Variants in SGCZ observed in about 807,000 individuals in gnomAD.
SGCZ encodes the protein zeta-sarcoglycan.
SGCZ carries 40 observed loss-of-function variants against 41.3 expected under a neutral mutation model. The ratio of observed to expected loss-of-function variants is 0.97; its 90% confidence interval spans 0.75 to 1.26. The LOEUF (loss-of-function observed/expected upper bound fraction) is 1.26, where lower values mean the gene tolerates loss of function less well. SGCZ is among the 50% of genes most tolerant of loss of function. The pLI is 0.00. For synonymous variants in SGCZ, 206 were observed against 137.5 expected, an observed-to-expected ratio of 1.50 and a Z score of -3.49; for missense variants, 552 against 369.8, an observed-to-expected ratio of 1.49 and a Z score of -4.04.
chr8:15,109,388 A>G (rs1251334858), intron 1 of SGCZ, among the ~76,000 whole-genome samples: 2 of 152,164 alleles, frequency 1.3e-5, no homozygotes, highest in African/African-American at 4.8e-5. Flanking sequence ...ATGTTGGCCA[A>G]TTGAGTACTT....
intron 2 of SGCZ, among the ~76,000 whole-genome samples, chr8:14,450,229 T>C (rs1382813751): frequency 6.6e-6 from 1 of 152,190 alleles, no homozygotes; most frequent in Admixed American, 6.5e-5. Context: ...GACAACTTAA[T>C]TCTCTGTCAG....
chr8:15,209,931 T>G (rs1801186988), intron 1 of SGCZ, among the ~76,000 whole-genome samples: 1 of 152,146 alleles, frequency 6.6e-6, no homozygotes, highest in African/African-American at 2.4e-5. Flanking sequence ...TTTGACCAAT[T>G]ATATTTTAGG....
intron 4 of SGCZ, among the ~76,000 whole-genome samples, chr8:14,184,648 C>A (rs867443832): frequency 6.6e-6 from 1 of 152,062 alleles, no homozygotes; most frequent in Admixed American, 6.6e-5. Context: ...AGCTATGGGT[C>A]CTCAAAAGTA....
At chr8:14,537,219 C>G (rs1387697050) in intron 2 of SGCZ, among the ~76,000 whole-genome samples, 1 of 151,892 alleles carries the variant, frequency 6.6e-6, no homozygotes, top group Admixed American at 6.6e-5. Flanking sequence ...CTCATTATAA[C>G]TAATTTCTGT....
At chr8:14,267,640 C>T (rs1182091621) in intron 3 of SGCZ, among the ~76,000 whole-genome samples, 1 of 152,000 alleles carries the variant, frequency 6.6e-6, no homozygotes, top group Admixed American at 6.6e-5. Context: ...CCTGATGCTT[C>T]AGAGAGTTTT....
intron 1 of SGCZ, among the ~76,000 whole-genome samples, chr8:14,691,034 C>G (rs1343546656): frequency 6.6e-6 from 1 of 152,080 alleles, no homozygotes; most frequent in Non-Finnish European, 1.5e-5. Flanking sequence ...ATGAAGGAAT[C>G]AATAAGTTAA....
At chr8:14,104,521 C>A (rs535200149) in intron 6 of SGCZ, among the ~76,000 whole-genome samples, 5 of 151,662 alleles carry the variant, frequency 3.3e-5, no homozygotes, top group Admixed American at 6.6e-5. Flanking sequence ...TTGCAAGAGG[C>A]AATTATTAAA....
At chr8:15,033,997 A>G (rs1000686195) in intron 1 of SGCZ, among the ~76,000 whole-genome samples, 4 of 152,216 alleles carry the variant, frequency 2.6e-5, no homozygotes, top group South Asian at 2.1e-4. Context: ...AAAGACTAAA[A>G]TAATTTCCTG....
intron 2 of SGCZ, among the ~76,000 whole-genome samples, chr8:14,392,992 T>C (rs17119251): frequency 0.071 from 10,772 of 152,164 alleles, 653 homozygotes; most frequent in African/African-American, 0.16. Flanking sequence ...TTTCAGGAGA[T>C]AGAACTCAAA....
Position 15,167,300 on chromosome 8 carries a change from T to C in SGCZ, c.39+70285A>G, listed in dbSNP as rs187967364. On this transcript the variant is annotated intron_variant, in intron 1 of 7. Coordinates refer to ENST00000382080, the MANE Select transcript of SGCZ (RefSeq NM_139167.4). ...TATGCTTCCCTTTAAGGTGTCAATCTAGACTTGCAGAGCCGAGAAAAGCCT... is the reference window on the plus strand; with the variant it reads ...TATGCTTCCCTTTAAGGTGTCAATCCAGACTTGCAGAGCCGAGAAAAGCCT... Among the ~76,000 whole-genome samples the C allele has an allele frequency of 2.4e-4, 36 of 152,376 alleles. No individual in the cohort carries two copies. In the East Asian group the frequency reaches 3.7e-3, roughly 16 times the overall value.
At chr8:15,019,365 G>A (rs949273941) in intron 1 of SGCZ, among the ~76,000 whole-genome samples, 1 of 152,186 alleles carries the variant, frequency 6.6e-6, no homozygotes, top group African/African-American at 2.4e-5. Context: ...TGGATCTGTG[G>A]CGTATGCACC....
At chr8:14,790,113 A>G (rs2130465183) in intron 1 of SGCZ, among the ~76,000 whole-genome samples, 1 of 152,292 alleles carries the variant, frequency 6.6e-6, no homozygotes, top group East Asian at 1.9e-4. Flanking sequence ...CATTCTGCCC[A>G]TTGAATGCAT....
intron 1 of SGCZ, among the ~76,000 whole-genome samples, chr8:15,203,054 G>C (rs917500737): frequency 1.3e-5 from 2 of 151,944 alleles, no homozygotes; most frequent in African/African-American, 2.4e-5. Flanking sequence ...AAGTTGAAGT[G>C]AGTTGAGACC....
At chr8:14,186,735 T>C (rs1278229411) in intron 4 of SGCZ, among the ~76,000 whole-genome samples, 4 of 152,198 alleles carry the variant, frequency 2.6e-5, no homozygotes, top group African/African-American at 9.7e-5. Flanking sequence ...GCCACAGTGC[T>C]AGAAGAAGTT....
chr8:14,769,793 T>TAAAAAAAAAAAAAAAAAAAAAAAAAAAA (rs565416806), intron 1 of SGCZ, among the ~76,000 whole-genome samples: 3 of 52,198 alleles, frequency 5.7e-5, no homozygotes, highest in Non-Finnish European at 6.4e-5. Context: ...AAAACACCAT[T>TAAAAAAAAAAAAAAAAAAAAAAAAAAAA]AAAAAAAAAA....
At chr8:14,523,710 T>C (rs555555272) in intron 2 of SGCZ, among the ~76,000 whole-genome samples, 1 of 152,250 alleles carries the variant, frequency 6.6e-6, no homozygotes, top group South Asian at 2.1e-4. Context: ...AGTATATGTT[T>C]TTTGTTTGTT....
At chr8:14,332,785 T>C (rs1382675189) in intron 2 of SGCZ, 1 of 151,442 alleles carries the variant, frequency 6.6e-6, no homozygotes, top group African/African-American at 2.4e-5. Context: ...AAATTTGGTT[T>C]GCAATAGAGT....
chr8:15,008,087 A>T (rs190045380), intron 1 of SGCZ, among the ~76,000 whole-genome samples: 1 of 152,284 alleles, frequency 6.6e-6, no homozygotes. Context: ...ACTGTAAAAG[A>T]TCTTTAGTCT....
rs943780923 is a variant in SGCZ, at chr8:14,850,278, C to T, written c.40-295352G>A. Among the ~76,000 whole-genome samples the T allele has an allele frequency of 1.1e-4, 17 of 152,076 alleles. No homozygotes were observed. In the East Asian group the frequency reaches 1.9e-3, roughly 17 times the overall value. ...AAAATATGCATGCACTGTGCTGGGC[C>T]GTGAAGTTATAATCATGAGAATGGC... On this transcript the variant is annotated intron_variant, in intron 1 of 7. Coordinates refer to ENST00000382080, the MANE Select transcript of SGCZ (RefSeq NM_139167.4).
Sources: gnomAD v4.1 joint callset for allele counts (sites outside exome capture counted in the v4.1 genomes callset) on GRCh38, gnomAD v4.1.1 for gene constraint, MANE v1.5 for transcripts, NCBI Gene and HGNC (gene_info 2026-07-23, HGNC 2026-07-21) for gene names.